CACNG1: variants seen among roughly 807,000 people sequenced by gnomAD.
CACNG1 encodes the protein voltage-dependent calcium channel gamma-1 subunit.
A neutral mutation model predicts 22.0 loss-of-function variants in CACNG1; 21 were observed. That is an observed-to-expected ratio of 0.95 (90% confidence interval 0.68 to 1.37). CACNG1 has a LOEUF of 1.37. Among genes scored for constraint, CACNG1 ranks in the 40% most tolerant of loss-of-function variants. The pLI, the probability that CACNG1 is intolerant of heterozygous loss-of-function variation, is 0.00. For missense variants in CACNG1, 291 were observed against 308.6 expected, an observed-to-expected ratio of 0.94 and a Z score of 0.43; for synonymous variants, 127 against 129.2, an observed-to-expected ratio of 0.98 and a Z score of 0.12.
chr17:67,054,258 C>G lies in CACNG1; in HGVS notation c.304+188C>G, dbSNP rs542543536. Among the ~76,000 whole-genome samples the G allele has an allele frequency of 2.0e-5, 3 of 152,344 alleles. No homozygotes were observed. In the East Asian group the frequency reaches 5.8e-4, roughly 29 times the overall value. ...GGCCCCAGGCAGCCGCCTTCCATCT[C>G]CAGGGCCCGGAGCTTCCACACCTCG... On this transcript the variant is annotated intron_variant, in intron 2 of 3. Coordinates refer to ENST00000226021, the MANE Select transcript of CACNG1 (RefSeq NM_000727.4). The surrounding 1 kb of genome is among the most constrained non-coding windows in gnomAD (Gnocchi z 4.6).
chr17:67,049,878 T>A (rs557450440), intron 1 of CACNG1, among the ~76,000 whole-genome samples: 35 of 152,306 alleles, frequency 2.3e-4, no homozygotes, highest in Non-Finnish European at 4.0e-4. Context: ...TGTTGGAGGC[T>A]CAGTGGGCAA....
Position 67,054,084 on chromosome 17 carries a change from G to A in CACNG1, c.304+14G>A, listed in dbSNP as rs2143418184. On this transcript the variant is annotated intron_variant, in intron 2 of 3. Transcript: ENST00000226021. The surrounding 1 kb of genome is among the most constrained non-coding windows in gnomAD (Gnocchi z 4.6). ...CCACTCAGAAGGGTGAGCCTGGGTGGAAAGGGGTCTGGGGTGACAAGAGGG... is the reference window on the plus strand; with the variant it reads ...CCACTCAGAAGGGTGAGCCTGGGTGAAAAGGGGTCTGGGGTGACAAGAGGG... 1.2e-6 allele frequency: 2 copies of A among 1,612,068 alleles called. No individual in the cohort carries two copies. Among genetic ancestry groups the A allele is most frequent in the Non-Finnish European group, 8.5e-7 (1 of 1,178,074 alleles).
chr17:67,055,110 C>G lies in CACNG1; in HGVS notation c.312C>G (p.Ser104Arg). 6.2e-7 allele frequency: 1 copy of G among 1,613,948 alleles called. No individual in the cohort carries two copies. The highest frequency in any genetic ancestry group is 8.5e-7 in the Non-Finnish European group (1 of 1,179,890). Residue 104 changes from serine to arginine, a missense_variant, in exon 3 of 4, where the codon AGC becomes AGG. Physicochemically the swap from Ser to Arg is moderately radical, Grantham distance 110 (BLOSUM62 -1). Transcript: ENST00000226021. The surrounding 1 kb of genome is among the most constrained non-coding windows in gnomAD (Gnocchi z 4.5). ...IFEFTTQKEYSISAAAIAIFS... is the reference protein window; with the variant it reads ...IFEFTTQKEYRISAAAIAIFS... The stretch of plus-strand genomic sequence containing the variant: ...TGTCCCTTGTGTTTGCAGAGTACAG[C>G]ATCTCGGCAGCCGCCATCGCCATCT...
In CACNG1 at chr17:67,054,194, T is replaced by A; in HGVS notation, c.304+124T>A. 1.3e-6 allele frequency: 1 copy of A among 755,272 alleles called. No homozygotes were observed. Among genetic ancestry groups the A allele is most frequent in the Admixed American group, 2.2e-5 (1 of 45,868 alleles). 46.8% of individuals were successfully genotyped at this position (755,272 alleles called of 1,614,324 possible). Reference sequence around the variant, plus strand: ...ACGCCTGATGAGAAGAAGCCTGTGGTGCATTTGAACAACAGCCTTGTCAGC... The same window carrying A: ...ACGCCTGATGAGAAGAAGCCTGTGGAGCATTTGAACAACAGCCTTGTCAGC... On this transcript the variant is annotated intron_variant, in intron 2 of 3. Coordinates refer to ENST00000226021, the MANE Select transcript of CACNG1 (RefSeq NM_000727.4). The surrounding 1 kb of genome is among the most constrained non-coding windows in gnomAD (Gnocchi z 4.6).
At chr17:67,049,557 C>T (rs375941036) in intron 1 of CACNG1, among the ~76,000 whole-genome samples, 1 of 147,616 alleles carries the variant, frequency 6.8e-6, no homozygotes, top group Non-Finnish European at 1.5e-5. Flanking sequence ...CAGGTGGTTC[C>T]TATTCTACAG....
chr17:67,048,406 A>G lies in CACNG1; in HGVS notation c.229+3517A>G, dbSNP rs1201212604. ...GCTACTCCCAAGGCTTAGGTGAGGG[A>G]ATTGTTTGATCCCAGGAGTTAGAGA... On this transcript the variant is annotated intron_variant, in intron 1 of 3. Coordinates refer to ENST00000226021, the MANE Select transcript of CACNG1 (RefSeq NM_000727.4). Among the ~76,000 whole-genome samples, 3 of 151,960 alleles carry G rather than the reference A, an allele frequency of 2.0e-5. No individual in the cohort carries two copies. In the East Asian group the frequency reaches 5.8e-4, roughly 29 times the overall value.
In CACNG1 at chr17:67,054,128, C is replaced by A; in HGVS notation, c.304+58C>A. 7.3e-7 allele frequency: 1 copy of A among 1,361,698 alleles called. No individual in the cohort carries two copies. Among genetic ancestry groups the A allele is most frequent in the Non-Finnish European group, 1.1e-6 (1 of 950,238 alleles). 84.4% of individuals were successfully genotyped at this position (1,361,698 alleles called of 1,614,324 possible). On this transcript the variant is annotated intron_variant, in intron 2 of 3. Transcript: ENST00000226021. This position sits in a 1 kb window ranked among gnomAD's most constrained non-coding sequence, Gnocchi z 4.6. ...AAGAGGGGACTTCTGTGTTGTGCAC[C>A]ACTGGGCCAGAAAGTCATTGGCAAA...
intron 1 of CACNG1, among the ~76,000 whole-genome samples, chr17:67,051,606 C>A (rs2035728754): frequency 6.6e-6 from 1 of 152,244 alleles, no homozygotes; most frequent in Admixed American, 6.5e-5. Context: ...GGCCCCCTCC[C>A]TCCATTTGAG....
At chr17:67,048,421 G>A (rs558670481) in intron 1 of CACNG1, among the ~76,000 whole-genome samples, 1 of 152,124 alleles carries the variant, frequency 6.6e-6, no homozygotes, top group East Asian at 1.9e-4. Context: ...TTTGATCCCA[G>A]GAGTTAGAGA....
At chr17:67,048,289 A>G (rs2035708270) in intron 1 of CACNG1, among the ~76,000 whole-genome samples, 1 of 146,970 alleles carries the variant, frequency 6.8e-6, no homozygotes, top group South Asian at 2.2e-4. Context: ...TGGGCAATAT[A>G]GCAAGACCCT....
In CACNG1 at chr17:67,056,531, G is replaced by A. The variant is rs909996543; in HGVS notation, c.*260G>A. On this transcript the variant is annotated 3_prime_UTR_variant, in exon 4 of 4. Transcript: ENST00000226021. This position sits in a 1 kb window ranked among gnomAD's most constrained non-coding sequence, Gnocchi z 4.3. ...AGCAGGTGGACAGGTGTTTGCAGGGGCCCAACTTCCCCTGGAGCTCAGAGG... is the reference window on the plus strand; with the variant it reads ...AGCAGGTGGACAGGTGTTTGCAGGGACCCAACTTCCCCTGGAGCTCAGAGG... 5.0e-5 allele frequency: 27 copies of A among 538,366 alleles called. No individual in the cohort carries two copies. The highest frequency in any genetic ancestry group is 4.9e-4 in the African/African-American group (26 of 52,680). 33.3% of individuals were successfully genotyped at this position (538,366 alleles called of 1,614,324 possible).
chr17:67,056,221 AT>A lies in CACNG1; in HGVS notation c.620del (p.Met207SerfsTer67), dbSNP rs2035761166. On this transcript the variant is annotated frameshift_variant, in exon 4 of 4. Coordinates refer to ENST00000226021, the MANE Select transcript of CACNG1 (RefSeq NM_000727.4). LOFTEE classifies it high-confidence loss of function. This position sits in a 1 kb window ranked among gnomAD's most constrained non-coding sequence, Gnocchi z 4.3. ...LALLLFSLPR[M>X]PRNPWESCMD... The stretch of plus-strand genomic sequence containing the variant: ...CCTCCTGCTGTTCTCCCTGCCTCGA[AT>A]GCCCCGGAACCCATGGGAGTCCTGC... The A allele has an allele frequency of 6.2e-7, 1 of 1,613,482 alleles. No individual in the cohort carries two copies. The highest frequency in any genetic ancestry group is 8.5e-7 in the Non-Finnish European group (1 of 1,179,912).
At position 67,054,098 on chromosome 17, in the gene CACNG1, G is replaced by A. The variant is rs369092327; in HGVS notation, c.304+28G>A. On this transcript the variant is annotated intron_variant, in intron 2 of 3. Transcript: ENST00000226021. The surrounding 1 kb of genome is among the most constrained non-coding windows in gnomAD (Gnocchi z 4.6). ...GAGCCTGGGTGGAAAGGGGTCTGGG[G>A]TGACAAGAGGGGACTTCTGTGTTGT... The A allele has an allele frequency of 9.4e-5, 149 of 1,581,356 alleles. No homozygotes were observed. The highest frequency in any genetic ancestry group is 1.3e-4 in the Non-Finnish European group (146 of 1,150,292).
In CACNG1 at chr17:67,044,833, C is replaced by G; in HGVS notation, c.173C>G (p.Thr58Ser). The G allele has an allele frequency of 1.2e-6, 2 of 1,613,498 alleles. No individual in the cohort carries two copies. Among genetic ancestry groups the G allele is most frequent in the Non-Finnish European group, 1.7e-6 (2 of 1,180,020 alleles). Residue 58 changes from threonine (T) to serine (S), a missense_variant, in exon 1 of 4, where the codon ACC becomes AGC. Transcript: ENST00000226021. The surrounding 1 kb of genome is among the most constrained non-coding windows in gnomAD (Gnocchi z 6.9). Reference protein sequence around the residue: ...AAHFGLWRICTKRIPMDDSKT... With the variant: ...AAHFGLWRICSKRIPMDDSKT... ...CACTTCGGCCTCTGGCGGATTTGTACCAAGCGCATCCCCATGGACGACAGC... is the reference window on the plus strand; with the variant it reads ...CACTTCGGCCTCTGGCGGATTTGTAGCAAGCGCATCCCCATGGACGACAGC...
chr17:67,054,730 AG>A lies in CACNG1; in HGVS notation c.305-372del, dbSNP rs2035749071. Among the ~76,000 whole-genome samples the A allele has an allele frequency of 6.7e-6, 1 of 149,514 alleles. No individual in the cohort carries two copies. The highest frequency in any genetic ancestry group is 1.5e-5 in the Non-Finnish European group (1 of 67,350). On this transcript the variant is annotated intron_variant, in intron 2 of 3. Coordinates refer to ENST00000226021, the MANE Select transcript of CACNG1 (RefSeq NM_000727.4). This position sits in a 1 kb window ranked among gnomAD's most constrained non-coding sequence, Gnocchi z 4.6. ...CACACAAAATGACACACAGTGACAC[AG>A]ACACACACTGATACACATGCATGAT...
In CACNG1 at chr17:67,054,948, C is replaced by T. The variant is rs912360395; in HGVS notation, c.305-155C>T. Among the ~76,000 whole-genome samples, 1 of 150,870 alleles carries T rather than the reference C, an allele frequency of 6.6e-6. No homozygotes were observed. The highest frequency in any genetic ancestry group is 1.5e-5 in the Non-Finnish European group (1 of 67,732). On this transcript the variant is annotated intron_variant, in intron 2 of 3. Transcript: ENST00000226021. This position sits in a 1 kb window ranked among gnomAD's most constrained non-coding sequence, Gnocchi z 4.6. ...ACACAGATACACACATACAATGACACACACAAGACAGACACAGAGACACAC... is the reference window on the plus strand; with the variant it reads ...ACACAGATACACACATACAATGACATACACAAGACAGACACAGAGACACAC...
intron 1 of CACNG1, among the ~76,000 whole-genome samples, chr17:67,051,581 A>C (rs1484237220): frequency 6.6e-6 from 1 of 152,164 alleles, no homozygotes; most frequent in South Asian, 2.1e-4. Flanking sequence ...CTGAGAAGGA[A>C]TCCTACCCAC....
intron 1 of CACNG1, among the ~76,000 whole-genome samples, chr17:67,047,383 C>A (rs2035703456): frequency 6.6e-6 from 1 of 152,202 alleles, no homozygotes; most frequent in Non-Finnish European, 1.5e-5. Flanking sequence ...CCAGTGAGTT[C>A]TGTGGTGTTT....
intron 1 of CACNG1, among the ~76,000 whole-genome samples, chr17:67,047,304 T>G (rs750885275): frequency 6.6e-6 from 1 of 152,214 alleles, no homozygotes; most frequent in Non-Finnish European, 1.5e-5. Context: ...ATCAACATTT[T>G]CAGAACTCTG....
Sources: gnomAD v4.1 joint callset for allele counts (sites outside exome capture counted in the v4.1 genomes callset) on GRCh38, gnomAD v4.1.1 for gene constraint, Gnocchi (gnomAD v3.1) non-coding constraint, MANE v1.5 for transcripts, NCBI Gene and HGNC (gene_info 2026-07-23, HGNC 2026-07-21) for gene names.